Variants in PCDH11X observed in about 807,000 individuals in gnomAD.
PCDH11X encodes the protein protocadherin-11 X-linked.
In PCDH11X, 18 loss-of-function variants were observed where a neutral mutation model predicts 53.3. The ratio of observed to expected loss-of-function variants is 0.34; its 90% CI spans 0.23 to 0.50. PCDH11X has a LOEUF of 0.50. Among genes scored for constraint, PCDH11X ranks in the 20% least tolerant of loss-of-function variants. The pLI is 0.98. For synonymous variants in PCDH11X, 279 were observed against 393.3 expected, an observed-to-expected ratio of 0.71 and a Z score of 3.44; for missense variants, 570 against 1,032.4, an observed-to-expected ratio of 0.55 and a Z score of 6.14.
At chrX:91,844,290 G>A (rs1937580343) in intron 5 of PCDH11X, among the ~76,000 whole-genome samples, 1 of 110,024 alleles carries the variant, frequency 9.1e-6, no homozygotes, top group Non-Finnish European at 1.9e-5. Context: ...TTTTTTTCTG[G>A]ACCTAGTTCA....
chrX:91,919,344 G>T (rs1295361547), intron 6 of PCDH11X, among the ~76,000 whole-genome samples: 1 of 111,473 alleles, frequency 9.0e-6, no homozygotes, highest in Non-Finnish European at 1.9e-5. Flanking sequence ...TCTCACAAAA[G>T]GATTATCTTT....
At chrX:92,450,059 C>T (rs1005923383) in intron 9 of PCDH11X, among the ~76,000 whole-genome samples, 1 of 110,975 alleles carries the variant, frequency 9.0e-6, no homozygotes, top group Non-Finnish European at 1.9e-5. Flanking sequence ...AAGTCAATTA[C>T]ATTGTATCCA....
chrX:92,236,992 A>G (rs981078244), intron 7 of PCDH11X, among the ~76,000 whole-genome samples: 3 of 110,367 alleles, frequency 2.7e-5, no homozygotes, highest in Non-Finnish European at 5.7e-5. Context: ...AAAATTGTAA[A>G]TCCAACTTAG....
At chrX:92,536,377 T>G (rs2074658879) in intron 10 of PCDH11X, among the ~76,000 whole-genome samples, 2 of 111,437 alleles carry the variant, frequency 1.8e-5, no homozygotes, top group South Asian at 7.4e-4. Context: ...TCTACCCATA[T>G]TTTAAATTCT....
At chrX:92,162,274 C>T (rs1179204453) in intron 6 of PCDH11X, among the ~76,000 whole-genome samples, 3 of 107,257 alleles carry the variant, frequency 2.8e-5, no homozygotes, top group South Asian at 4.3e-4. Flanking sequence ...TTACTGCAAC[C>T]TCTGCCTCCT....
intron 6 of PCDH11X, among the ~76,000 whole-genome samples, chrX:91,917,590 A>T (rs2147813593): frequency 9.8e-6 from 1 of 102,169 alleles, no homozygotes; most frequent in Admixed American, 1.1e-4. Context: ...AAAAAAAAAA[A>T]AAAAAATTCC....
chrX:91,991,347 ACTTT>A (rs1368457146), intron 6 of PCDH11X, among the ~76,000 whole-genome samples: 11 of 72,912 alleles, frequency 1.5e-4, no homozygotes, highest in African/African-American at 4.8e-4. Flanking sequence ...TTTTGTTAAG[ACTTT>A]CTTTTTTTTT....
chrX:92,093,458 T>A lies in PCDH11X; in HGVS notation c.3034-107917T>A, dbSNP rs772775353. Among the ~76,000 whole-genome samples, 18 of 111,917 alleles carry A rather than the reference T, an allele frequency of 1.6e-4. 1 individual carries two copies. The highest frequency in any genetic ancestry group is 9.3e-3 in the Middle Eastern group (2 of 216). On this transcript the variant is annotated intron_variant, in intron 6 of 10. Coordinates refer to ENST00000682573, the MANE Select transcript of PCDH11X (RefSeq NM_032968.5). Reference sequence around the variant, plus strand: ...ACTATAGAAGAAATTTATTACTACATCAGTGTGAACCAGACCATATTTAAA... The same window carrying A: ...ACTATAGAAGAAATTTATTACTACAACAGTGTGAACCAGACCATATTTAAA...
In PCDH11X at chrX:92,246,102, C is replaced by T. The variant is rs373625502; in HGVS notation, c.3115-17012C>T. ...AAATGCCTATACTGTAGAAACATAT[C>T]GGAATGTTCTTCCTGTAGCATAGAT... is the stretch of plus-strand genomic sequence containing the variant. On this transcript the variant is annotated intron_variant, in intron 7 of 10. Coordinates refer to ENST00000682573, the MANE Select transcript of PCDH11X (RefSeq NM_032968.5). Among the ~76,000 whole-genome samples, 9 of 110,854 alleles carry T rather than the reference C, an allele frequency of 8.1e-5. No homozygotes were observed. In the South Asian group the frequency reaches 2.7e-3, roughly 33 times the overall value.
chrX:92,218,122 T>A (rs1374101717), intron 7 of PCDH11X, among the ~76,000 whole-genome samples: 2 of 110,868 alleles, frequency 1.8e-5, no homozygotes, highest in African/African-American at 3.3e-5. Flanking sequence ...CACCCTAACA[T>A]CACAGTTAAA....
chrX:92,257,416 G>GT (rs2067617298), intron 7 of PCDH11X, among the ~76,000 whole-genome samples: 1 of 111,300 alleles, frequency 9.0e-6, no homozygotes, highest in Non-Finnish European at 1.9e-5. Flanking sequence ...ATAAAATCAT[G>GT]CTTCCCAACA....
At chrX:92,056,958 A>C (rs1569331654) in intron 6 of PCDH11X, among the ~76,000 whole-genome samples, 1 of 110,249 alleles carries the variant, frequency 9.1e-6, no homozygotes, top group Non-Finnish European at 1.9e-5. Flanking sequence ...TTTGTGACCT[A>C]ACTCTTCATT....
intron 6 of PCDH11X, among the ~76,000 whole-genome samples, chrX:91,893,949 G>C (rs1940625460): frequency 1.8e-5 from 2 of 111,353 alleles, no homozygotes; most frequent in African/African-American, 3.3e-5. Context: ...TCTTAAGTTA[G>C]CCCTTTTTAC....
At chrX:92,011,513 A>G (rs1437774736) in intron 6 of PCDH11X, among the ~76,000 whole-genome samples, 6 of 112,580 alleles carry the variant, frequency 5.3e-5, no homozygotes, top group Admixed American at 4.7e-4. Context: ...AATATTCCTG[A>G]AAGAAAATGC....
chrX:92,241,295 A>G (rs1408452966), intron 7 of PCDH11X, among the ~76,000 whole-genome samples: 5 of 111,864 alleles, frequency 4.5e-5, no homozygotes, highest in Non-Finnish European at 7.5e-5. Flanking sequence ...GTGAAGATAT[A>G]CATCATATAA....
intron 10 of PCDH11X, among the ~76,000 whole-genome samples, chrX:92,475,164 CAAAAAAAAAAAAAAAAA>C (rs761171281): frequency 6.5e-5 from 2 of 30,541 alleles, no homozygotes; most frequent in African/African-American, 1.6e-4. Flanking sequence ...GACTCCGTCT[CAAAAAAAAAAAAAAAAA>C]AAAAAAAAAA....
At chrX:91,832,720 C>T (rs1353843060) in intron 4 of PCDH11X, among the ~76,000 whole-genome samples, 1 of 111,099 alleles carries the variant, frequency 9.0e-6, no homozygotes, top group African/African-American at 3.3e-5. Flanking sequence ...GGAACTAGAT[C>T]GCTCTATTAA....
In PCDH11X at chrX:91,879,080, C is replaced by A; in HGVS notation, c.2840C>A (p.Ala947Asp). The A allele has an allele frequency of 8.3e-7, 1 of 1,211,455 alleles. No homozygotes were observed. The highest frequency in any genetic ancestry group is 1.1e-6 in the Non-Finnish European group (1 of 895,443). The change falls in exon 6 of 11, where the codon GCC becomes GAC. Residue 947 changes from alanine to aspartate, a missense_variant. Physicochemically the swap from Ala to Asp is moderately radical, Grantham distance 126. This residue lies in a region of PCDH11X where 226 missense variants were observed against 457.5 expected (regional missense o/e 0.49). Coordinates refer to ENST00000682573, the MANE Select transcript of PCDH11X (RefSeq NM_032968.5). ...TACAAATCTGCCTCTCCACAGCCTG[C>A]CTTCCAAATTCAGCCTGAAACTCCC... ...RHYKSASPQP[A>D]FQIQPETPLN... is the part of the protein sequence containing the mutation.
At chrX:92,602,243 C>G (rs1926312248) in intron 10 of PCDH11X, among the ~76,000 whole-genome samples, 1 of 111,453 alleles carries the variant, frequency 9.0e-6, no homozygotes, top group South Asian at 3.8e-4. Context: ...TTGTCAAAAA[C>G]AGTGGAGATT....
Sources: gnomAD v4.1 joint callset for allele counts (sites outside exome capture counted in the v4.1 genomes callset) on GRCh38, gnomAD v4.1.1 for gene constraint, gnomAD v4.1.1 regional missense constraint, MANE v1.5 for transcripts, NCBI Gene and HGNC (gene_info 2026-07-23, HGNC 2026-07-21) for gene names.